ROBO2: variants seen among roughly 807,000 people sequenced by gnomAD.
ROBO2 encodes the protein roundabout homolog 2.
In ROBO2, 53 loss-of-function variants were observed where a neutral mutation model predicts 160.8. The observed-to-expected ratio is 0.33, with a 90% CI of 0.26 to 0.41. The LOEUF is 0.41. Ranked by LOEUF, ROBO2 falls within the 10% of genes least tolerant of loss-of-function variation. ROBO2 has a pLI of 1.00. For synonymous variants in ROBO2, 664 were observed against 611.7 expected (o/e 1.09, Z -1.26); for missense variants, 1,577 against 1,722.4 (o/e 0.92, Z 1.49).
At chr3:77,564,835 G>GTT (rs1357668228) in intron 11 of ROBO2, 119 bp from the exon 13 acceptor site, 84 of 837,948 alleles carry the variant, frequency 1.0e-4, no homozygotes, top group Non-Finnish European at 1.3e-4. Flanking sequence ...TACTTCAAGT[G>GTT]TTGTGTGTGT....
At chr3:77,158,195 C>T (rs1409065948) in intron 2 of ROBO2, among the ~76,000 whole-genome samples, 2 of 152,072 alleles carry the variant, frequency 1.3e-5, no homozygotes, top group African/African-American at 2.4e-5. Context: ...CCAGCCAGGA[C>T]CCAGTAAACC....
At chr3:76,480,269 A>G (rs889273748) in intron 2 of ROBO2, among the ~76,000 whole-genome samples, 2 of 152,114 alleles carry the variant, frequency 1.3e-5, no homozygotes, top group Non-Finnish European at 2.9e-5. Context: ...ATAAATTCTG[A>G]GAATACTCCT....
chr3:76,756,817 A>T (rs2061000810), intron 2 of ROBO2, among the ~76,000 whole-genome samples: 1 of 151,856 alleles, frequency 6.6e-6, no homozygotes, highest in Non-Finnish European at 1.5e-5. Flanking sequence ...CCCAAGCCAC[A>T]GGGCTTCGTT....
rs539278214 is a variant in ROBO2, at chr3:77,642,585, A to G, written c.3935-2119A>G. On this transcript the variant is annotated intron_variant, in intron 24 of 25. Coordinates refer to ENST00000461745, the Ensembl canonical transcript of ROBO2. The stretch of plus-strand genomic sequence containing the variant: ...TTTTTGTATGGGTAATACCTGTATA[A>G]GGGCAAAGATTTTCTTCAACTTGAA... The G allele has an allele frequency of 1.5e-5, 6 of 395,218 alleles. No individual in the cohort carries two copies. The East Asian group carries it at 4.3e-4, about 28-fold the overall frequency. The allele number at this position is 395,218 out of a possible 1,614,324, so 24.5% of individuals were successfully genotyped here.
chr3:76,372,165 A>G (rs908906487), intron 2 of ROBO2, among the ~76,000 whole-genome samples: 10 of 152,018 alleles, frequency 6.6e-5, no homozygotes, highest in African/African-American at 2.2e-4. Flanking sequence ...TTATACATTA[A>G]GAATAATGTT....
chr3:76,847,992 A>G (rs768678305), intron 2 of ROBO2, among the ~76,000 whole-genome samples: 15 of 152,172 alleles, frequency 9.9e-5, no homozygotes, highest in Non-Finnish European at 2.2e-4. Context: ...CTGGAATTAA[A>G]GAAAAAAATG....
At chr3:77,574,720 T>C in exon 14 of ROBO2, 1 of 1,611,662 alleles carries the variant, frequency 6.2e-7, no homozygotes, top group Non-Finnish European at 8.5e-7. Context: ...CGGTTCGTAC[T>C]ACTGAAGAAG....
intron 2 of ROBO2, among the ~76,000 whole-genome samples, chr3:76,768,369 CA>C (rs978417576): frequency 3.3e-5 from 5 of 151,370 alleles, no homozygotes; most frequent in Non-Finnish European, 5.9e-5. Flanking sequence ...CTGTTACTGA[CA>C]AATGAATTCG....
At chr3:76,384,069 T>A (rs1467555651) in intron 2 of ROBO2, among the ~76,000 whole-genome samples, 1 of 152,136 alleles carries the variant, frequency 6.6e-6, no homozygotes, top group Non-Finnish European at 1.5e-5. Flanking sequence ...TGTGTACAGT[T>A]GCAGATTATA....
At chr3:76,416,890 A>G (rs928110050) in intron 2 of ROBO2, among the ~76,000 whole-genome samples, 1 of 152,226 alleles carries the variant, frequency 6.6e-6, no homozygotes, top group Non-Finnish European at 1.5e-5. Context: ...GAGCTATAGT[A>G]TTAAACTTTA....
chr3:77,499,399 T>C (rs939072808), intron 5 of ROBO2, among the ~76,000 whole-genome samples: 5 of 152,160 alleles, frequency 3.3e-5, no homozygotes. Flanking sequence ...CTCAAAGGGC[T>C]ATTAAAATGA....
chr3:77,001,824 A>G (rs575499502), intron 2 of ROBO2, among the ~76,000 whole-genome samples: 1 of 152,224 alleles, frequency 6.6e-6, no homozygotes, highest in Non-Finnish European at 1.5e-5. Flanking sequence ...TTTCTGCTTA[A>G]TATATTATGT....
At chr3:77,082,169 G>T (rs2068733322) in intron 1 of ROBO2, among the ~76,000 whole-genome samples, 1 of 152,176 alleles carries the variant, frequency 6.6e-6, no homozygotes, top group African/African-American at 2.4e-5. Flanking sequence ...AAAGTATAAA[G>T]CATAGAGCAG....
At chr3:77,636,847 G>T (rs2095272098) in intron 24 of ROBO2, among the ~76,000 whole-genome samples, 1 of 152,142 alleles carries the variant, frequency 6.6e-6, no homozygotes, top group Non-Finnish European at 1.5e-5. Flanking sequence ...TAGCTTTACA[G>T]AATATAGTCT....
chr3:75,923,915 T>A (rs1458230264), intron 1 of ROBO2, among the ~76,000 whole-genome samples: 1 of 152,164 alleles, frequency 6.6e-6, no homozygotes, highest in African/African-American at 2.4e-5. Flanking sequence ...AAATATCCCT[T>A]TATAAAGTAA....
intron 2 of ROBO2, among the ~76,000 whole-genome samples, chr3:77,098,781 G>A (rs756052902): frequency 2.6e-5 from 4 of 152,012 alleles, no homozygotes; most frequent in Non-Finnish European, 4.4e-5. Flanking sequence ...GTGTGAACCC[G>A]GGAGGCGGAG....
intron 2 of ROBO2, among the ~76,000 whole-genome samples, chr3:76,569,963 A>G (rs2084858746): frequency 6.6e-6 from 1 of 152,100 alleles, no homozygotes; most frequent in Non-Finnish European, 1.5e-5. Context: ...TGTCTCTAAT[A>G]AAATTAAAAA....
At chr3:77,536,721 A>G (rs1224483648) in intron 6 of ROBO2, among the ~76,000 whole-genome samples, 1 of 152,204 alleles carries the variant, frequency 6.6e-6, no homozygotes, top group Non-Finnish European at 1.5e-5. Context: ...ATAATTGGAT[A>G]GTATTATGAA....
At chr3:76,262,637 G>C (rs1313575600) in intron 2 of ROBO2, among the ~76,000 whole-genome samples, 1 of 152,000 alleles carries the variant, frequency 6.6e-6, no homozygotes, top group Non-Finnish European at 1.5e-5. Context: ...TCTCCCACAT[G>C]TAATATTTGA....
Sources: allele counts gnomAD v4.1 joint callset (sites outside exome capture counted in the v4.1 genomes callset), GRCh38; gene constraint gnomAD v4.1.1; transcripts MANE v1.5; gene names NCBI Gene and HGNC (gene_info 2026-07-23, HGNC 2026-07-21).